LCOR: variants seen among roughly 807,000 people sequenced by gnomAD.
LCOR encodes the protein ligand dependent nuclear receptor corepressor.
In LCOR, 14 loss-of-function variants were observed where a neutral mutation model predicts 64.4. The ratio of observed to expected loss-of-function variants is 0.22; its 90% confidence interval spans 0.14 to 0.34. LCOR has a LOEUF of 0.34. Among genes scored for constraint, LCOR ranks in the 10% least tolerant of loss-of-function variants. LCOR has a pLI of 1.00. For synonymous variants in LCOR, 643 were observed against 642.5 expected (o/e 1.00, Z -0.01); for missense variants, 1,686 against 1,765.3 (o/e 0.96, Z 0.80).
intron 7 of LCOR, among the ~76,000 whole-genome samples, chr10:96,970,185 C>G (rs1458059649): frequency 2.6e-5 from 4 of 151,698 alleles, no homozygotes; most frequent in African/African-American, 9.7e-5. Context: ...ATCACCTGAG[C>G]TCAGGAGTTT....
intron 2 of LCOR, among the ~76,000 whole-genome samples, chr10:96,867,970 C>A (rs555784067): frequency 6.6e-6 from 1 of 152,024 alleles, no homozygotes; most frequent in African/African-American, 2.4e-5. Context: ...CTGCAACCTC[C>A]GCCTCCCGGG....
At chr10:96,952,419 C>G (rs1399469995) in intron 7 of LCOR, among the ~76,000 whole-genome samples, 1 of 152,152 alleles carries the variant, frequency 6.6e-6, no homozygotes, top group Non-Finnish European at 1.5e-5. Flanking sequence ...ATGAATATGG[C>G]AATTATTTCT....
chr10:96,910,655 A>G (rs1846814493), intron 4 of LCOR, among the ~76,000 whole-genome samples: 1 of 152,196 alleles, frequency 6.6e-6, no homozygotes, highest in African/African-American at 2.4e-5. Context: ...CTGGCTTAAG[A>G]TTCTAAAATA....
intron 2 of LCOR, among the ~76,000 whole-genome samples, chr10:96,883,883 A>T (rs192445314): frequency 1.3e-5 from 2 of 152,296 alleles, no homozygotes; most frequent in Non-Finnish European, 2.9e-5. Context: ...ACATGTTTTG[A>T]TACATGTGTA....
rs895833127 is a variant in LCOR at position 96,993,747 on chromosome 10, TTATATATATATATTA to T, written c.*8627_*8641del. ...CCTCTTCTCATCTGGTTATGTTATA[TTATATATATATATTA>T]TATATATATATATACAGGTGTATGA... On this transcript the variant is annotated 3_prime_UTR_variant, in exon 8 of 8. Transcript: ENST00000421806. The T allele has an allele frequency of 4.8e-5, 7 of 146,660 alleles. No individual in the cohort carries two copies. Among genetic ancestry groups the T allele is most frequent in the African/African-American group, 1.8e-4 (7 of 39,312 alleles). The allele number at this position is 146,660 out of a possible 1,614,324, so 9.1% of individuals were successfully genotyped here.
chr10:96,833,329 G>A (rs923187520), intron 1 of LCOR, 77 bp from the exon 2 acceptor site: 1 of 958,292 alleles, frequency 1.0e-6, no homozygotes. Flanking sequence ...GAGCGCGGAC[G>A]GGGGCGCCCC....
chr10:96,916,234 T>C (rs1190591431), intron 4 of LCOR, among the ~76,000 whole-genome samples: 1 of 152,012 alleles, frequency 6.6e-6, no homozygotes. Context: ...GGTTTCACCT[T>C]GTTAGCCAGG....
intron 4 of LCOR, among the ~76,000 whole-genome samples, chr10:96,935,615 C>T (rs1183103151): frequency 1.3e-5 from 2 of 152,168 alleles, no homozygotes; most frequent in East Asian, 1.9e-4. Flanking sequence ...AGGAGGATTG[C>T]TTGAGGCCAG....
At chr10:96,905,615 C>T (rs1218713869) in intron 2 of LCOR, among the ~76,000 whole-genome samples, 1 of 152,032 alleles carries the variant, frequency 6.6e-6, no homozygotes, top group African/African-American at 2.4e-5. Context: ...CTACCCCAAC[C>T]CTTTTTCCTC....
intron 7 of LCOR, chr10:96,960,214 C>G (rs901610267): frequency 6.6e-6 from 1 of 152,334 alleles, no homozygotes; most frequent in Non-Finnish European, 1.5e-5. Flanking sequence ...CCCCCTACCC[C>G]CAAGTAAGCA....
intron 2 of LCOR, among the ~76,000 whole-genome samples, chr10:96,876,342 T>C (rs1174479456): frequency 6.6e-6 from 1 of 152,176 alleles, no homozygotes; most frequent in Non-Finnish European, 1.5e-5. Context: ...CCTAATTACT[T>C]TCCAAAGGCC....
At chr10:96,895,711 A>G (rs1846525071) in intron 2 of LCOR, among the ~76,000 whole-genome samples, 1 of 152,156 alleles carries the variant, frequency 6.6e-6, no homozygotes, top group Non-Finnish European at 1.5e-5. Flanking sequence ...AATATACCGT[A>G]CTTCATACCT....
At chr10:96,921,256 A>G (rs767778743) in intron 4 of LCOR, among the ~76,000 whole-genome samples, 2 of 152,084 alleles carry the variant, frequency 1.3e-5, no homozygotes, top group African/African-American at 2.4e-5. Context: ...ATTTAATTCA[A>G]TTTATCTATT....
chr10:96,949,397 A>C, intron 6 of LCOR, 102 bp downstream of exon 6: 2 of 1,003,754 alleles, frequency 2.0e-6, no homozygotes, highest in Non-Finnish European at 3.0e-6. Flanking sequence ...CAATAATAGC[A>C]TAAAAACTAA....
intron 7 of LCOR, among the ~76,000 whole-genome samples, chr10:96,970,007 G>A (rs1203736621): frequency 1.5e-5 from 2 of 131,490 alleles, no homozygotes; most frequent in Non-Finnish European, 3.1e-5. Context: ...TGGCCAGGAT[G>A]GTCTCGATCT....
chr10:96,965,785 T>G (rs958184470), intron 7 of LCOR, among the ~76,000 whole-genome samples: 1 of 152,102 alleles, frequency 6.6e-6, no homozygotes, highest in African/African-American at 2.4e-5. Flanking sequence ...TTGTTCCCCT[T>G]AATTATGCCA....
At chr10:96,958,122 T>C in intron 7 of LCOR, 1 of 1,166,572 alleles carries the variant, frequency 8.6e-7, no homozygotes, top group East Asian at 3.9e-5. Flanking sequence ...CCATAGTACC[T>C]TTTTGCGTAA....
At chr10:96,967,032 T>G (rs1454865751) in intron 7 of LCOR, among the ~76,000 whole-genome samples, 1 of 152,262 alleles carries the variant, frequency 6.6e-6, no homozygotes. Context: ...CCATCATGCC[T>G]GGCCGACTGT....
intron 4 of LCOR, among the ~76,000 whole-genome samples, chr10:96,921,339 C>T (rs1847078061): frequency 6.6e-6 from 1 of 152,130 alleles, no homozygotes; most frequent in Non-Finnish European, 1.5e-5. Flanking sequence ...GTGAAGCTTT[C>T]CGAACCCTGT....
Sources: allele counts gnomAD v4.1 joint callset (sites outside exome capture counted in the v4.1 genomes callset), GRCh38; gene constraint gnomAD v4.1.1; transcripts MANE v1.5; gene names NCBI Gene and HGNC (gene_info 2026-07-23, HGNC 2026-07-21).